Variants in QTGAL observed in about 807,000 individuals in gnomAD.
QTGAL encodes queuosine-tRNA galactosyltransferase, also known as BGnT-like protein 1.
chr17:82,968,748 C>A, the QTGAL span, among the ~76,000 whole-genome samples: 2 of 152,178 alleles, frequency 1.3e-5, no homozygotes, highest in African/African-American at 2.4e-5. Context: ...GTCTGTAATC[C>A]CAGCACTTTT....
the QTGAL span, among the ~76,000 whole-genome samples, chr17:82,959,602 G>A: frequency 5.9e-5 from 9 of 152,088 alleles, no homozygotes; most frequent in South Asian, 2.1e-4. Context: ...GTCTCGGGGC[G>A]GGGGGACGAG....
chr17:82,946,737 T>G, the QTGAL span: 3 of 665,932 alleles, frequency 4.5e-6, no homozygotes, highest in Non-Finnish European at 7.3e-6. Context: ...AATTATACAT[T>G]ACAGAAGAAA....
At chr17:82,974,361 GGC>G in the QTGAL span, among the ~76,000 whole-genome samples, 1 of 152,200 alleles carries the variant, frequency 6.6e-6, no homozygotes, top group Non-Finnish European at 1.5e-5. Context: ...GCTGAACGCT[GGC>G]CGCCTCGAGC....
the QTGAL span, among the ~76,000 whole-genome samples, chr17:83,022,508 C>G: frequency 6.3e-5 from 2 of 31,530 alleles, no homozygotes. Context: ...ATGAGCTTAG[C>G]ACTGTCCCCG....
chr17:82,961,000 G>A, the QTGAL span: 8 of 1,560,762 alleles, frequency 5.1e-6, no homozygotes, highest in East Asian at 4.6e-5. Flanking sequence ...CCGACCTCGG[G>A]CGCCTCCCGT....
the QTGAL span, chr17:82,957,549 A>G: frequency 4.5e-6 from 7 of 1,541,544 alleles, no homozygotes; most frequent in African/African-American, 4.1e-5. Context: ...ATGCACACAG[A>G]TGCTGACATA....
the QTGAL span, among the ~76,000 whole-genome samples, chr17:82,996,663 A>T: frequency 1.6e-4 from 25 of 152,350 alleles, no homozygotes; most frequent in Non-Finnish European, 2.9e-4. Context: ...GAGCTATAGC[A>T]ATCAAAACAG....
At chr17:82,965,207 GACGGGGAC>G in the QTGAL span, among the ~76,000 whole-genome samples, 1 of 150,522 alleles carries the variant, frequency 6.6e-6, no homozygotes, top group African/African-American at 2.4e-5. Context: ...CCACGGGGGG[GACGGGGAC>G]ATGGACGCCT....
the QTGAL span, among the ~76,000 whole-genome samples, chr17:82,959,511 G>A: frequency 1.5e-4 from 23 of 152,116 alleles, no homozygotes; most frequent in South Asian, 2.7e-3. Flanking sequence ...TCCTGCAGAC[G>A]GCTGCGGGGA....
the QTGAL span, among the ~76,000 whole-genome samples, chr17:82,992,722 C>A: frequency 1.3e-5 from 2 of 152,034 alleles, no homozygotes; most frequent in Non-Finnish European, 2.9e-5. Context: ...AAAGACTGAA[C>A]AATGAACCAA....
chr17:83,028,549 G>C, the QTGAL span, among the ~76,000 whole-genome samples: 1 of 144,942 alleles, frequency 6.9e-6, no homozygotes, highest in Non-Finnish European at 1.5e-5. Flanking sequence ...GAAAAAAAAA[G>C]AAAAGGTGCT....
the QTGAL span, among the ~76,000 whole-genome samples, chr17:82,953,385 CCT>C: frequency 6.6e-6 from 1 of 152,114 alleles, no homozygotes; most frequent in Non-Finnish European, 1.5e-5. Context: ...ACTATAAACA[CCT>C]CTATGCAAAT....
chr17:82,950,209 C>A, the QTGAL span, among the ~76,000 whole-genome samples: 1 of 152,168 alleles, frequency 6.6e-6, no homozygotes, highest in African/African-American at 2.4e-5. Context: ...AAGGACACAG[C>A]GTGTGCAGGA....
the QTGAL span, among the ~76,000 whole-genome samples, chr17:82,955,037 G>A: frequency 6.6e-6 from 1 of 152,160 alleles, no homozygotes; most frequent in Non-Finnish European, 1.5e-5. Context: ...GAAAACCTAG[G>A]CAATACCATT....
At chr17:83,002,644 C>T in the QTGAL span, among the ~76,000 whole-genome samples, 3 of 152,196 alleles carry the variant, frequency 2.0e-5, no homozygotes, top group Non-Finnish European at 2.9e-5. Context: ...ACGGCCACGT[C>T]CCCTCCCTCA....
the QTGAL span, among the ~76,000 whole-genome samples, chr17:82,951,262 C>T: frequency 1.3e-5 from 2 of 152,188 alleles, no homozygotes; most frequent in Non-Finnish European, 2.9e-5. Flanking sequence ...GTGCGGCCAC[C>T]TCCATTGTGA....
the QTGAL span, among the ~76,000 whole-genome samples, chr17:83,049,482 G>A: frequency 2.1e-5 from 3 of 145,510 alleles, no homozygotes; most frequent in Admixed American, 6.9e-5. Flanking sequence ...GCTCGATCTC[G>A]GCTCACTGCA....
At chr17:82,981,074 A>G in the QTGAL span, 1 of 152,234 alleles carries the variant, frequency 6.6e-6, no homozygotes, top group Non-Finnish European at 1.5e-5. Flanking sequence ...CAAAAGGCTC[A>G]ATACTTTAAA....
the QTGAL span, among the ~76,000 whole-genome samples, chr17:83,031,534 G>A: frequency 1.3e-3 from 198 of 152,180 alleles, 1 homozygote; most frequent in Non-Finnish European, 2.4e-3. Context: ...AGGGCTCTGC[G>A]AGGACTCACC....
Sources: gnomAD v4.1 joint callset for allele counts (sites outside exome capture counted in the v4.1 genomes callset) on GRCh38, gnomAD v4.1.1 for gene constraint, MANE v1.5 for transcripts, NCBI Gene and HGNC (gene_info 2026-07-23, HGNC 2026-07-21) for gene names.